Variants in CACNB2 observed in about 807,000 individuals in gnomAD.
CACNB2 encodes voltage-dependent L-type calcium channel subunit beta-2.
CACNB2 carries 42 observed loss-of-function variants against 73.3 expected under a neutral mutation model. That is an observed-to-expected ratio of 0.57 (90% CI 0.45 to 0.74). The LOEUF is 0.74. CACNB2 is among the 30% of genes least tolerant of loss of function. The pLI is 0.00. For missense variants in CACNB2, 940 were observed against 853.0 expected, an observed-to-expected ratio of 1.10 and a Z score of -1.27; for synonymous variants, 348 against 310.3, an observed-to-expected ratio of 1.12 and a Z score of -1.28.
intron 2 of CACNB2, among the ~76,000 whole-genome samples, chr10:18,317,109 C>G (rs1031115393): frequency 1.3e-5 from 2 of 152,064 alleles, no homozygotes; most frequent in Non-Finnish European, 2.9e-5. Context: ...CCACACCACC[C>G]CCTGCCCCCC....
chr10:18,450,741 G>C (rs1044837252), intron 3 of CACNB2, among the ~76,000 whole-genome samples: 7 of 150,180 alleles, frequency 4.7e-5, no homozygotes, highest in Non-Finnish European at 8.8e-5. Context: ...TCCCCTCTCA[G>C]TCTCCTGAGT....
intron 2 of CACNB2, among the ~76,000 whole-genome samples, chr10:18,219,248 G>T (rs1164214041): frequency 6.6e-6 from 1 of 152,104 alleles, no homozygotes; most frequent in African/African-American, 2.4e-5. Flanking sequence ...AAGATTTGCT[G>T]GTTATAACAT....
chr10:18,283,869 T>A (rs960288368), intron 2 of CACNB2, among the ~76,000 whole-genome samples: 4 of 152,160 alleles, frequency 2.6e-5, no homozygotes, highest in African/African-American at 9.7e-5. Context: ...AAAGATGGAC[T>A]AGTAGATATA....
intron 2 of CACNB2, among the ~76,000 whole-genome samples, chr10:18,157,154 A>G (rs1043157646): frequency 2.0e-5 from 3 of 152,192 alleles, no homozygotes; most frequent in Non-Finnish European, 4.4e-5. Context: ...CCTAGGTGCA[A>G]TACATGATCA....
rs201706061 is a variant in CACNB2, at chr10:18,542,475, T to C, written c.*2751T>C. 11 of 152,352 alleles carry C rather than the reference T, an allele frequency of 7.2e-5. No homozygotes were observed. The East Asian group carries it at 2.1e-3, about 29-fold the overall frequency. The allele number at this position is 152,352 out of a possible 1,614,324, so 9.4% of individuals were successfully genotyped here. The stretch of plus-strand genomic sequence containing the variant: ...CATCCCAATTAATGATTTTAGAATA[T>C]TTAAATTCTTGAAACATAGCTAGTA... On this transcript the variant is annotated 3_prime_UTR_variant, in exon 14 of 14. Transcript: ENST00000324631.
At position 18,502,199 on chromosome 10, in the gene CACNB2, C is replaced by T. The variant is rs111973137; in HGVS notation, c.593+1251C>T. Among the ~76,000 whole-genome samples, 44 of 151,924 alleles carry T rather than the reference C, an allele frequency of 2.9e-4. 1 individual carries two copies. The highest frequency in any genetic ancestry group is 8.2e-4 in the African/African-American group (34 of 41,430). On this transcript the variant is annotated intron_variant, in intron 5 of 13. Coordinates refer to ENST00000324631, the MANE Select transcript of CACNB2 (RefSeq NM_201596.3). ...GCGGGAGCCTGTAATCCTAGCTACTCGGGAGGCTGAGGCAGGAGAATTACT... is the reference window on the plus strand; with the variant it reads ...GCGGGAGCCTGTAATCCTAGCTACTTGGGAGGCTGAGGCAGGAGAATTACT...
At chr10:18,431,732 A>G (rs902143202) in intron 3 of CACNB2, among the ~76,000 whole-genome samples, 3 of 151,830 alleles carry the variant, frequency 2.0e-5, no homozygotes, top group African/African-American at 7.3e-5. Flanking sequence ...ATAAGCCCCA[A>G]AGATATCTTT....
intron 2 of CACNB2, among the ~76,000 whole-genome samples, chr10:18,201,055 G>C (rs2034856581): frequency 6.6e-6 from 1 of 152,108 alleles, no homozygotes; most frequent in Non-Finnish European, 1.5e-5. Context: ...TCTATTGGGT[G>C]ATCATTTTAA....
intron 2 of CACNB2, among the ~76,000 whole-genome samples, chr10:18,345,843 TTA>T (rs1202224863): frequency 6.6e-6 from 1 of 152,230 alleles, no homozygotes; most frequent in Non-Finnish European, 1.5e-5. Flanking sequence ...GCTTTTGACT[TTA>T]TTCAGATATC....
At chr10:18,404,955 G>A (rs2044204883) in intron 3 of CACNB2, among the ~76,000 whole-genome samples, 1 of 152,104 alleles carries the variant, frequency 6.6e-6, no homozygotes, top group African/African-American at 2.4e-5. Flanking sequence ...GTTTTTTAAC[G>A]TGGTGTTTTC....
At chr10:18,369,740 C>G (rs2042499137) in intron 2 of CACNB2, among the ~76,000 whole-genome samples, 1 of 152,052 alleles carries the variant, frequency 6.6e-6, no homozygotes, top group Non-Finnish European at 1.5e-5. Context: ...AACCCTGTCT[C>G]TACTAAAAAT....
chr10:18,190,061 A>C (rs962787827), intron 2 of CACNB2, among the ~76,000 whole-genome samples: 1 of 152,188 alleles, frequency 6.6e-6, no homozygotes, highest in African/African-American at 2.4e-5. Flanking sequence ...GGGATGTGCT[A>C]TGGACAAAGA....
intron 3 of CACNB2, among the ~76,000 whole-genome samples, chr10:18,492,819 G>T (rs182212143): frequency 2.0e-5 from 3 of 152,204 alleles, no homozygotes; most frequent in East Asian, 3.9e-4. Context: ...GTTTGAGGAC[G>T]TTTACAGTGG....
intron 2 of CACNB2, among the ~76,000 whole-genome samples, chr10:18,368,418 T>C (rs979162854): frequency 3.9e-5 from 6 of 152,170 alleles, no homozygotes; most frequent in Non-Finnish European, 7.4e-5. Context: ...CAGAGAAAAC[T>C]TCTACGAAAC....
At chr10:18,145,076 C>G (rs753170023) in intron 1 of CACNB2, among the ~76,000 whole-genome samples, 1 of 152,206 alleles carries the variant, frequency 6.6e-6, no homozygotes, top group African/African-American at 2.4e-5. Flanking sequence ...ACTGAACAGA[C>G]AGTAACCAGT....
intron 2 of CACNB2, among the ~76,000 whole-genome samples, chr10:18,316,674 C>T (rs909438606): frequency 6.6e-6 from 1 of 152,102 alleles, no homozygotes; most frequent in East Asian, 1.9e-4. Context: ...GTTGCCTCAG[C>T]TGGTCTTGGA....
intron 3 of CACNB2, among the ~76,000 whole-genome samples, chr10:18,454,375 T>C (rs1315733905): frequency 6.6e-6 from 1 of 152,232 alleles, no homozygotes; most frequent in African/African-American, 2.4e-5. Context: ...AGGGGCCTTT[T>C]CTAGGCAGTT....
intron 3 of CACNB2, among the ~76,000 whole-genome samples, chr10:18,488,604 G>A (rs1041035096): frequency 4.0e-5 from 6 of 151,396 alleles, no homozygotes; most frequent in East Asian, 1.9e-4. Context: ...GACACCCATC[G>A]TTCTAACATG....
At chr10:18,507,343 T>C (rs1360452090) in intron 6 of CACNB2, among the ~76,000 whole-genome samples, 2 of 152,158 alleles carry the variant, frequency 1.3e-5, no homozygotes, top group Admixed American at 6.6e-5. Flanking sequence ...TGAAAATGTG[T>C]GTGGGAACAG....
Sources: gnomAD v4.1 joint callset for allele counts (sites outside exome capture counted in the v4.1 genomes callset) on GRCh38, gnomAD v4.1.1 for gene constraint, MANE v1.5 for transcripts, NCBI Gene and HGNC (gene_info 2026-07-23, HGNC 2026-07-21) for gene names.